The following PPP1R37 variants were observed in gnomAD, a reference collection of about 807,000 sequenced individuals.
PPP1R37 encodes leucine rich repeat containing 68.
PPP1R37 carries 21 observed loss-of-function variants against 61.0 expected under a neutral mutation model. That is an observed-to-expected ratio of 0.34 (90% CI 0.24 to 0.50). The LOEUF (loss-of-function observed/expected upper bound fraction) is 0.50. PPP1R37 is among the 20% of genes least tolerant of loss of function. The pLI is 0.98. For missense variants in PPP1R37, 910 were observed against 952.7 expected, an observed-to-expected ratio of 0.96 and a Z score of 0.59; for synonymous variants, 443 against 433.5, an observed-to-expected ratio of 1.02 and a Z score of -0.27.
At chr19:45,142,556 C>T in intron 7 of PPP1R37, 98 bp downstream of exon 7, 3 of 1,261,668 alleles carry the variant, frequency 2.4e-6, no homozygotes, top group Non-Finnish European at 3.3e-6. Context: ...ATGGCCAAGA[C>T]CACCCCAACG....
Position 45,121,848 on chromosome 19 carries a change from C to G in PPP1R37, c.203-16666C>G, listed in dbSNP as rs1326065917. ...CTGAGAAATACCTGCCCTTGGGAAG[C>G]CCACTGCATTGGGCTTACATGACTG... On this transcript the variant is annotated intron_variant, in intron 1 of 12. Coordinates refer to ENST00000221462, the MANE Select transcript of PPP1R37 (RefSeq NM_019121.2). The surrounding 1 kb of genome is among the most constrained non-coding windows in gnomAD (Gnocchi z 4.2). 1.3e-5 allele frequency among the ~76,000 whole-genome samples: 2 copies of G among 152,200 alleles called. No individual in the cohort carries two copies. Among genetic ancestry groups the G allele is most frequent in the Non-Finnish European group, 2.9e-5 (2 of 68,034 alleles).
At position 45,131,341 on chromosome 19, in the gene PPP1R37, A is replaced by T. The variant is rs547702311; in HGVS notation, c.203-7173A>T. Among the ~76,000 whole-genome samples the T allele has an allele frequency of 2.0e-5, 3 of 151,330 alleles. No individual in the cohort carries two copies. In the East Asian group the frequency reaches 5.9e-4, roughly 30 times the overall value. ...TGGAGCTCATGCCTTTCACCATCCC[A>T]CCCAGGGCTCCCCACACCCTGCCTC... is the stretch of plus-strand genomic sequence containing the variant. On this transcript the variant is annotated intron_variant, in intron 1 of 12. Coordinates refer to ENST00000221462, the MANE Select transcript of PPP1R37 (RefSeq NM_019121.2).
intron 8 of PPP1R37, chr19:45,144,586 G>A (rs949355741): frequency 8.4e-6 from 4 of 474,576 alleles, no homozygotes; most frequent in Non-Finnish European, 1.5e-5. Flanking sequence ...CCCTGGCCAG[G>A]GGCCCAGGCT....
chr19:45,135,117 G>A lies in PPP1R37; in HGVS notation c.203-3397G>A, dbSNP rs1056471329. Among the ~76,000 whole-genome samples, 6 of 152,274 alleles carry A rather than the reference G, an allele frequency of 3.9e-5. No individual in the cohort carries two copies. In the East Asian group the frequency reaches 5.8e-4, roughly 15 times the overall value. ...GCAAAAATTAGCCAGGTGTGGTGGC[G>A]TGTGCCTGTAATTCCAGCAACTCGG... On this transcript the variant is annotated intron_variant, in intron 1 of 12. Transcript: ENST00000221462.
chr19:45,144,686 T>C (rs1968660458), intron 8 of PPP1R37, 168 bp from the exon 9 acceptor site: 2 of 599,860 alleles, frequency 3.3e-6, no homozygotes, highest in Non-Finnish European at 5.6e-6. Flanking sequence ...AGGAGGGACT[T>C]CAGGCCAGGC....
intron 1 of PPP1R37, among the ~76,000 whole-genome samples, chr19:45,107,006 C>T (rs1175292757): frequency 2.0e-5 from 3 of 151,308 alleles, no homozygotes; most frequent in Non-Finnish European, 2.9e-5. Flanking sequence ...TTAGTAGAGA[C>T]GGGATTTCAC....
chr19:45,116,911 C>CTT (rs61317000), intron 1 of PPP1R37, among the ~76,000 whole-genome samples: 12,895 of 120,920 alleles, frequency 0.11, 1,027 homozygotes, highest in Non-Finnish European at 0.16. Flanking sequence ...GAGGAGGTGA[C>CTT]TTTTTTTTTT....
rs372919499 is a variant in PPP1R37, at chr19:45,100,309, A to C, written c.202+6782A>C. ...AGCATTGAAATACTGCAGAAATTCAAGCTGAGCCGGCCACCTGCTGCAGTA... is the reference window on the plus strand; with the variant it reads ...AGCATTGAAATACTGCAGAAATTCACGCTGAGCCGGCCACCTGCTGCAGTA... On this transcript the variant is annotated intron_variant, in intron 1 of 12. Coordinates refer to ENST00000221462, the MANE Select transcript of PPP1R37 (RefSeq NM_019121.2). The C allele has an allele frequency of 1.3e-4, 20 of 152,314 alleles. No individual in the cohort carries two copies. The East Asian group carries it at 2.3e-3, about 18-fold the overall frequency. The allele number at this position is 152,314 out of a possible 1,614,324, so 9.4% of individuals were successfully genotyped here. A position where few individuals can be genotyped will look rare whatever the true frequency, so the allele number is the denominator to read the frequency against.
chr19:45,101,190 C>T (rs906034903), intron 1 of PPP1R37, among the ~76,000 whole-genome samples: 1 of 152,130 alleles, frequency 6.6e-6, no homozygotes, highest in Non-Finnish European at 1.5e-5. Flanking sequence ...GAGGCAGCTT[C>T]CTAGAAAGGA....
At chr19:45,113,961 C>T (rs964605933) in intron 1 of PPP1R37, among the ~76,000 whole-genome samples, 4 of 152,308 alleles carry the variant, frequency 2.6e-5, no homozygotes, top group Admixed American at 6.5e-5. Context: ...GCTCTGCTTG[C>T]TCTTTGCTCA....
intron 1 of PPP1R37, among the ~76,000 whole-genome samples, chr19:45,127,352 CAAAAAAAAA>C (rs11295552): frequency 0.065 from 4,554 of 69,782 alleles, 295 homozygotes; most frequent in African/African-American, 0.2. Context: ...AACTCCATCT[CAAAAAAAAA>C]AAAAAAAAAA....
intron 1 of PPP1R37, among the ~76,000 whole-genome samples, chr19:45,127,352 C>CA (rs11295552): frequency 0.081 from 5,489 of 67,794 alleles, 186 homozygotes; most frequent in African/African-American, 0.14. Flanking sequence ...AACTCCATCT[C>CA]AAAAAAAAAA....
At chr19:45,128,749 T>C (rs1397260810) in intron 1 of PPP1R37, 2 of 717,612 alleles carry the variant, frequency 2.8e-6, no homozygotes, top group Non-Finnish European at 4.8e-6. Context: ...CTGGTTGGTA[T>C]TGACATCTTT....
At chr19:45,106,249 T>G (rs1443174652) in intron 1 of PPP1R37, among the ~76,000 whole-genome samples, 1 of 150,058 alleles carries the variant, frequency 6.7e-6, no homozygotes, top group Non-Finnish European at 1.5e-5. Flanking sequence ...TTTGTTTTTG[T>G]TTTTTTTTTG....
intron 1 of PPP1R37, chr19:45,128,492 G>A: frequency 1.2e-6 from 1 of 827,938 alleles, no homozygotes; most frequent in South Asian, 1.5e-5. Flanking sequence ...AGGCCCAGAG[G>A]CAGCGGTTGG....
In PPP1R37 at chr19:45,093,567, A is replaced by G. The variant is rs1161922231; in HGVS notation, c.202+40A>G. 7 of 1,496,584 alleles carry G rather than the reference A, an allele frequency of 4.7e-6. No individual in the cohort carries two copies. In the African/African-American group the frequency reaches 5.6e-5, roughly 12 times the overall value. 92.7% of individuals were successfully genotyped at this position (1,496,584 alleles called of 1,614,324 possible). The stretch of plus-strand genomic sequence containing the variant: ...TGAAGCGGGGGCGGGCTCGAGAGGG[A>G]CCCGGGAGTCGGGAGGGATCGGTGC... On this transcript the variant is annotated intron_variant, in intron 1 of 12. Coordinates refer to ENST00000221462, the MANE Select transcript of PPP1R37 (RefSeq NM_019121.2).
chr19:45,116,721 C>T (rs572834805), intron 1 of PPP1R37, among the ~76,000 whole-genome samples: 12 of 152,260 alleles, frequency 7.9e-5, no homozygotes, highest in African/African-American at 2.6e-4. Context: ...AGACTCACAG[C>T]GACAGACACC....
intron 1 of PPP1R37, among the ~76,000 whole-genome samples, chr19:45,120,255 G>A (rs1968325028): frequency 6.6e-6 from 1 of 152,136 alleles, no homozygotes; most frequent in South Asian, 2.1e-4. Flanking sequence ...CTGACCTTGT[G>A]ATCCGCCCAC....
intron 1 of PPP1R37, among the ~76,000 whole-genome samples, chr19:45,116,697 A>G (rs182335592): frequency 9.9e-4 from 151 of 152,230 alleles, no homozygotes; most frequent in African/African-American, 3.5e-3. Flanking sequence ...GAGTCGGTGC[A>G]TTCGTTCATT....
Sources: gnomAD v4.1 joint callset for allele counts (sites outside exome capture counted in the v4.1 genomes callset) on GRCh38, gnomAD v4.1.1 for gene constraint, Gnocchi (gnomAD v3.1) non-coding constraint, MANE v1.5 for transcripts, NCBI Gene and HGNC (gene_info 2026-07-23, HGNC 2026-07-21) for gene names.